Variants in SHANK2 observed in about 807,000 individuals in gnomAD.
SHANK2 encodes the protein SH3 and multiple ankyrin repeat domains protein 2.
Under a neutral mutation model 133.7 loss-of-function variants are expected in SHANK2, and 43 were observed. The ratio of observed to expected loss-of-function variants is 0.32; its 90% CI spans 0.25 to 0.41. The LOEUF (loss-of-function observed/expected upper bound fraction) is 0.41. SHANK2 is among the 10% of genes least tolerant of loss of function. The pLI is 1.00. For missense variants in SHANK2, 1,994 were observed against 2,235.8 expected (o/e 0.89, Z 2.18); for synonymous variants, 1,017 against 952.8 (o/e 1.07, Z -1.24).
chr11:71,128,310 G>A (rs1952229990), intron 3 of SHANK2, among the ~76,000 whole-genome samples: 1 of 152,210 alleles, frequency 6.6e-6, no homozygotes, highest in Non-Finnish European at 1.5e-5. Context: ...GTGATGTCCA[G>A]ATCCTTCCGA....
In SHANK2 at chr11:71,062,562, C is replaced by T. The variant is rs942820644; in HGVS notation, c.1030-6004G>A. 1.8e-4 allele frequency among the ~76,000 whole-genome samples: 28 copies of T among 152,310 alleles called. No homozygotes were observed. The East Asian group carries it at 4.6e-3, about 25-fold the overall frequency. On this transcript the variant is annotated intron_variant, in intron 9 of 25. Coordinates refer to ENST00000601538, the MANE Select transcript of SHANK2 (RefSeq NM_012309.5). Reference sequence around the variant, plus strand: ...CCCTGGCCCAGTGGCCTAGAAGAATCACCCAGCACCAGCAAAACCCAGATG... The same window carrying T: ...CCCTGGCCCAGTGGCCTAGAAGAATTACCCAGCACCAGCAAAACCCAGATG...
intron 11 of SHANK2, among the ~76,000 whole-genome samples, chr11:70,836,477 C>T (rs1274578768): frequency 6.6e-6 from 1 of 152,172 alleles, no homozygotes; most frequent in Non-Finnish European, 1.5e-5. Flanking sequence ...GAAAGGACTT[C>T]CTGTGGGTGG....
chr11:70,860,750 C>T lies in SHANK2; in HGVS notation c.1174+35751G>A, dbSNP rs1156349366. On this transcript the variant is annotated intron_variant, in intron 11 of 25. Transcript: ENST00000601538. Reference sequence around the variant, plus strand: ...ACGCAAGGGGCCTGGCGCGATGGCTCATGCCTGTAGTCCCTGCACTTTGGA... The same window carrying T: ...ACGCAAGGGGCCTGGCGCGATGGCTTATGCCTGTAGTCCCTGCACTTTGGA... Among the ~76,000 whole-genome samples the T allele has an allele frequency of 3.9e-5, 6 of 152,310 alleles. No individual in the cohort carries two copies. The South Asian group carries it at 8.3e-4, about 21-fold the overall frequency.
At chr11:70,506,958 T>C (rs2059145047) in intron 17 of SHANK2, among the ~76,000 whole-genome samples, 1 of 152,230 alleles carries the variant, frequency 6.6e-6, no homozygotes, top group South Asian at 2.1e-4. Flanking sequence ...ATCCAGCGAT[T>C]ACCAAGGGTC....
chr11:71,145,115 C>G (rs1490360263), intron 3 of SHANK2, among the ~76,000 whole-genome samples: 3 of 152,292 alleles, frequency 2.0e-5, no homozygotes, highest in East Asian at 1.9e-4. Context: ...TCCTGAACAG[C>G]CTTTGTACTA....
chr11:70,507,468 A>G (rs575494198), intron 17 of SHANK2, among the ~76,000 whole-genome samples: 1 of 152,266 alleles, frequency 6.6e-6, no homozygotes, highest in Non-Finnish European at 1.5e-5. Context: ...ATCTCAAAAC[A>G]CATTGACCTT....
Position 70,490,266 on chromosome 11 carries a change from C to G in SHANK2, c.2551+10G>C, listed in dbSNP as rs2058867246. 1 of 1,610,142 alleles carries G rather than the reference C, an allele frequency of 6.2e-7. No individual in the cohort carries two copies. The highest frequency in any genetic ancestry group is 1.7e-5 in the Admixed American group (1 of 60,004). ...GGGCAACTTCTGTGGGGGAGTGCCA[C>G]ACTTCTTACCTATTGATTTCTGCCT... On this transcript the variant is annotated intron_variant, in intron 23 of 25. Coordinates refer to ENST00000601538, the MANE Select transcript of SHANK2 (RefSeq NM_012309.5).
chr11:70,951,592 GCT>G (rs1950844723), intron 10 of SHANK2, among the ~76,000 whole-genome samples: 11 of 44,480 alleles, frequency 2.5e-4, no homozygotes, highest in Non-Finnish European at 4.6e-4. Flanking sequence ...TGGCTGCTGT[GCT>G]GTGACATCAT....
intron 9 of SHANK2, among the ~76,000 whole-genome samples, 186 bp downstream of exon 9, chr11:71,074,973 G>A (rs1389534928): frequency 6.6e-6 from 1 of 151,892 alleles, no homozygotes. Context: ...TAGAGACAGG[G>A]TTTCACCATG....
chr11:71,147,003 G>C (rs1432641910), intron 3 of SHANK2, 117 bp downstream of exon 3: 2 of 822,002 alleles, frequency 2.4e-6, no homozygotes, highest in Admixed American at 2.8e-5. Flanking sequence ...GAAGGAGCAC[G>C]GTGTGCCCAG....
intron 25 of SHANK2, among the ~76,000 whole-genome samples, chr11:70,484,884 C>T (rs1198856293): frequency 1.1e-4 from 16 of 152,138 alleles, no homozygotes; most frequent in Admixed American, 9.2e-4. Flanking sequence ...CACCTGCACC[C>T]ACCGCCCACC....
intron 2 of SHANK2, among the ~76,000 whole-genome samples, chr11:71,196,320 C>G (rs1953900383): frequency 6.6e-6 from 1 of 152,114 alleles, no homozygotes; most frequent in African/African-American, 2.4e-5. Flanking sequence ...GTGTCTTGCT[C>G]TGTTACCCAG....
intron 14 of SHANK2, among the ~76,000 whole-genome samples, chr11:70,763,574 C>G (rs1213536150): frequency 1.3e-5 from 2 of 152,178 alleles, no homozygotes; most frequent in South Asian, 4.1e-4. Context: ...GGGCCAGCCT[C>G]ATGAAGGGGC....
At chr11:70,914,351 T>A (rs1950238431) in intron 10 of SHANK2, among the ~76,000 whole-genome samples, 1 of 151,758 alleles carries the variant, frequency 6.6e-6, no homozygotes, top group African/African-American at 2.4e-5. Flanking sequence ...TACCCAGGCT[T>A]TTCTGGCATC....
Position 70,490,315 on chromosome 11 carries a change from C to A in SHANK2, c.2512G>T (p.Gly838Cys), listed in dbSNP as rs782552933. 1.9e-5 allele frequency: 31 copies of A among 1,614,192 alleles called. No individual in the cohort carries two copies. Among genetic ancestry groups the A allele is most frequent in the Non-Finnish European group, 2.5e-5 (30 of 1,180,024 alleles). The change falls in exon 23 of 26, where the codon GGC (glycine) becomes TGC (cysteine). Residue 838 changes from glycine (G) to cysteine (C), a missense_variant. This residue lies in a region of SHANK2 where 488 missense variants were observed against 642.6 expected (regional missense o/e 0.76). Transcript: ENST00000601538. ...CTTCGCATCGTACCTCGAGGGATGC[C>A]CAGAAACGGGGCTTTTGGGCTCCCA... ...VPGSPKAPFL[G>C]IPRGTMRRQK...
intron 10 of SHANK2, among the ~76,000 whole-genome samples, chr11:70,945,626 G>A (rs1035713505): frequency 2.6e-5 from 4 of 152,304 alleles, no homozygotes; most frequent in Non-Finnish European, 1.5e-5. Context: ...GCCTTGACCC[G>A]CAGGTACCTT....
At chr11:71,177,772 T>G (rs971872952) in intron 2 of SHANK2, among the ~76,000 whole-genome samples, 2 of 152,172 alleles carry the variant, frequency 1.3e-5, no homozygotes, top group Admixed American at 1.3e-4. Context: ...TGAATAGACA[T>G]TTCTCCAAAT....
intron 17 of SHANK2, among the ~76,000 whole-genome samples, chr11:70,648,241 G>C (rs2061292965): frequency 6.6e-6 from 1 of 152,196 alleles, no homozygotes; most frequent in Admixed American, 6.5e-5. Flanking sequence ...CCTGGGGCTG[G>C]GAGGGAGATG....
intron 2 of SHANK2, among the ~76,000 whole-genome samples, chr11:71,216,003 G>T (rs1470504238): frequency 2.0e-5 from 3 of 151,484 alleles, no homozygotes; most frequent in Non-Finnish European, 4.4e-5. Flanking sequence ...GGAGCAAGTG[G>T]AGCCCTCATC....
Sources: gnomAD v4.1 joint callset for allele counts (sites outside exome capture counted in the v4.1 genomes callset) on GRCh38, gnomAD v4.1.1 for gene constraint, gnomAD v4.1.1 regional missense constraint, MANE v1.5 for transcripts, NCBI Gene and HGNC (gene_info 2026-07-23, HGNC 2026-07-21) for gene names.